Variants in SYNE2 observed in about 807,000 individuals in gnomAD.
The protein encoded by SYNE2 is nesprin-2.
In SYNE2, 431 loss-of-function variants were observed where a neutral mutation model predicts 856.3. That is an observed-to-expected ratio of 0.50 (90% confidence interval 0.47 to 0.55). The LOEUF (loss-of-function observed/expected upper bound fraction) is 0.55, where lower values mean the gene tolerates loss of function less well. SYNE2 is among the 20% of genes least tolerant of loss of function. The pLI, the probability that SYNE2 is intolerant of heterozygous loss-of-function variation, is 0.00. For synonymous variants in SYNE2, 2,923 were observed against 2,872.3 expected, an observed-to-expected ratio of 1.02 and a Z score of -0.56; for missense variants, 8,129 against 8,023.2, an observed-to-expected ratio of 1.01 and a Z score of -0.50.
chr14:63,981,487 G>A (rs975979263), intron 16 of SYNE2, among the ~76,000 whole-genome samples: 12 of 152,096 alleles, frequency 7.9e-5, no homozygotes, highest in African/African-American at 2.9e-4. Flanking sequence ...TCTTTGGAGA[G>A]GAAATAAGAC....
chr14:64,113,287 A>T, intron 65 of SYNE2, 54 bp from the exon 66 acceptor site: 1 of 1,611,638 alleles, frequency 6.2e-7, no homozygotes, highest in Non-Finnish European at 8.5e-7. Flanking sequence ...AGGTCTTTGC[A>T]GGCCCAAGTC....
intron 1 of SYNE2, among the ~76,000 whole-genome samples, chr14:63,831,549 C>CTTTTTTTTT (rs1211983068): frequency 2.9e-5 from 2 of 69,548 alleles, no homozygotes; most frequent in East Asian, 4.9e-4. Context: ...AATGTTCATT[C>CTTTTTTTTT]TTTTTTTTTT....
At chr14:63,899,562 C>T (rs549257031) in intron 1 of SYNE2, among the ~76,000 whole-genome samples, 23 of 151,794 alleles carry the variant, frequency 1.5e-4, no homozygotes, top group Admixed American at 3.3e-4. Context: ...AGTGCCGTGG[C>T]GCAATCATGG....
At chr14:64,165,458 T>G (rs1481350179) in intron 90 of SYNE2, 48 bp downstream of exon 90, 1 of 1,596,096 alleles carries the variant, frequency 6.3e-7, no homozygotes, top group East Asian at 2.2e-5. Flanking sequence ...CACCATAAGG[T>G]TAAAAAAAAT....
At chr14:63,977,547 G>A (rs2096554042) in intron 12 of SYNE2, among the ~76,000 whole-genome samples, 1 of 152,112 alleles carries the variant, frequency 6.6e-6, no homozygotes, top group Admixed American at 6.6e-5. Flanking sequence ...GTTAAAGGGG[G>A]TAGTTTCATC....
rs150002885 is a variant in SYNE2 at position 64,190,199 on chromosome 14, C to G, written c.18000C>G (p.Asn6000Lys). 2 of 1,613,932 alleles carry G rather than the reference C, an allele frequency of 1.2e-6. No individual in the cohort carries two copies. The highest frequency in any genetic ancestry group is 1.7e-6 in the Non-Finnish European group (2 of 1,180,026). ...TCGATGACAAGCTCAACAAAATTAACGATCGTTGGCAACATCTTTTTGATG... is the reference window on the plus strand; with the variant it reads ...TCGATGACAAGCTCAACAAAATTAAGGATCGTTGGCAACATCTTTTTGATG... ...AEIDDKLNKI[N>K]DRWQHLFDVI... The change falls in exon 99 of 116, where the codon AAC becomes AAG. Residue 6000 changes from asparagine (N) to lysine (K), a missense_variant. Asn to Lys is a moderately conservative substitution (Grantham distance 94). Around this residue, in one of 3 missense-constraint regions of SYNE2, gnomAD observed 5,410 missense variants for 5,284.8 expected, o/e 1.02. Coordinates refer to ENST00000555002, the MANE Select transcript of SYNE2 (RefSeq NM_182914.3).
chr14:63,938,465 A>T (rs1350292767), intron 2 of SYNE2, among the ~76,000 whole-genome samples: 1 of 152,154 alleles, frequency 6.6e-6, no homozygotes, highest in Non-Finnish European at 1.5e-5. Flanking sequence ...TAAGAATTAG[A>T]CTATTGGACA....
At chr14:64,191,911 T>G (rs1227876054) in intron 99 of SYNE2, among the ~76,000 whole-genome samples, 4 of 152,222 alleles carry the variant, frequency 2.6e-5, no homozygotes, top group Non-Finnish European at 4.4e-5. Flanking sequence ...TAGGCCTCAG[T>G]TGCTAAATCT....
Position 64,219,295 on chromosome 14 carries a change from A to C in SYNE2, c.19745A>C (p.Asp6582Ala). 6.2e-7 allele frequency: 1 copy of C among 1,614,090 alleles called. No individual in the cohort carries two copies. Among genetic ancestry groups the C allele is most frequent in the Non-Finnish European group, 8.5e-7 (1 of 1,180,022 alleles). The change falls in exon 110 of 116, where the codon GAT becomes GCT. Residue 6582 changes from aspartate to alanine, a missense_variant. By Grantham distance (126) the Asp-to-Ala change is moderately radical (BLOSUM62 -2). This residue lies in a region of SYNE2 where 5,410 missense variants were observed against 5,284.8 expected (regional missense o/e 1.02). Coordinates refer to ENST00000555002, the MANE Select transcript of SYNE2 (RefSeq NM_182914.3). ...CAAAATTTGCAACAGCTGAACTCTGATATCAGCGCCATCACTACTTGGCTG... is the reference window on the plus strand; with the variant it reads ...CAAAATTTGCAACAGCTGAACTCTGCTATCAGCGCCATCACTACTTGGCTG... ...IKQNLQQLNS[D>A]ISAITTWLKK...
At chr14:63,832,850 G>A (rs1438750898) in intron 1 of SYNE2, among the ~76,000 whole-genome samples, 2 of 125,612 alleles carry the variant, frequency 1.6e-5, no homozygotes, top group African/African-American at 3.0e-5. Context: ...GCAACATGGC[G>A]AGAACCTGTC....
intron 11 of SYNE2, among the ~76,000 whole-genome samples, chr14:63,970,137 G>C (rs1371026802): frequency 6.6e-6 from 1 of 151,602 alleles, no homozygotes; most frequent in Non-Finnish European, 1.5e-5. Flanking sequence ...TATTCAAAGT[G>C]TATCTCTATA....
chr14:64,006,913 G>A, intron 30 of SYNE2, 130 bp from the exon 31 acceptor site: 1 of 728,296 alleles, frequency 1.4e-6, no homozygotes, highest in East Asian at 2.6e-5. Context: ...TCTGTAACAG[G>A]AATGTGTAAT....
At chr14:63,824,253 C>T (rs1889334257) in intron 1 of SYNE2, among the ~76,000 whole-genome samples, 1 of 150,026 alleles carries the variant, frequency 6.7e-6, no homozygotes, top group African/African-American at 2.5e-5. Context: ...GCAGGAGGCT[C>T]AAGCTCTACT....
intron 2 of SYNE2, among the ~76,000 whole-genome samples, chr14:63,930,530 CTTCT>C (rs1333935297): frequency 3.6e-5 from 5 of 138,388 alleles, no homozygotes; most frequent in African/African-American, 1.4e-4. Flanking sequence ...TATCATTATC[CTTCT>C]TTTTTTTTTT....
chr14:64,166,865 G>A lies in SYNE2; in HGVS notation c.16606-368G>A, dbSNP rs562238349. ...GGAGAATCGTTTGAACCCAGGAGGC[G>A]GAGGTTGCAGTGAGCCGAGATCATG... is the stretch of plus-strand genomic sequence containing the variant. On this transcript the variant is annotated intron_variant, in intron 90 of 115. Transcript: ENST00000555002. The A allele has an allele frequency of 3.0e-5, 8 of 269,928 alleles. No homozygotes were observed. In the East Asian group the frequency reaches 3.1e-4, roughly 10 times the overall value. The allele number at this position is 269,928 out of a possible 1,614,324, so 16.7% of individuals were successfully genotyped here.
At chr14:63,770,877 A>T (rs541211036) in intron 1 of SYNE2, among the ~76,000 whole-genome samples, 144 of 151,540 alleles carry the variant, frequency 9.5e-4, no homozygotes, top group Non-Finnish European at 1.8e-3. Flanking sequence ...AAGTCAATTT[A>T]AAAAAAAATT....
intron 64 of SYNE2, among the ~76,000 whole-genome samples, chr14:64,105,251 G>A (rs894950776): frequency 9.2e-5 from 14 of 152,232 alleles, no homozygotes; most frequent in Admixed American, 2.0e-4. Context: ...CCAATCATGC[G>A]AAACCTCAGC....
chr14:63,974,874 GTGTGTGTGTGTGTGTGTGTATATATATA>G (rs2096524247), intron 11 of SYNE2, among the ~76,000 whole-genome samples: 1 of 32,494 alleles, frequency 3.1e-5, no homozygotes, highest in Non-Finnish European at 6.1e-5. Context: ...GTGTGTGTGT[GTGTGTGTGTGTGTGTGTGTATATATATA>G]TATATATATA....
chr14:64,208,019 G>A (rs529224044), intron 100 of SYNE2: 8 of 456,010 alleles, frequency 1.8e-5, no homozygotes, highest in African/African-American at 6.0e-5. Context: ...ATGTTTATTC[G>A]TGAAGAGGTT....
Sources: allele counts gnomAD v4.1 joint callset (sites outside exome capture counted in the v4.1 genomes callset), GRCh38; gene constraint gnomAD v4.1.1; regional missense constraint gnomAD v4.1.1; transcripts MANE v1.5; gene names NCBI Gene and HGNC (gene_info 2026-07-23, HGNC 2026-07-21).